Variants in PCDH15 observed in about 807,000 individuals in gnomAD.
PCDH15 encodes protocadherin related 15, also known as protocadherin-15.
A neutral mutation model predicts 178.5 loss-of-function variants in PCDH15; 129 were observed. The ratio of observed to expected loss-of-function variants is 0.72; its 90% CI spans 0.63 to 0.84. The LOEUF is 0.84. Ranked by LOEUF, PCDH15 falls within the 40% of genes least tolerant of loss-of-function variation. The pLI is 0.00. For missense variants in PCDH15, 2,230 were observed against 2,099.9 expected, an observed-to-expected ratio of 1.06 and a Z score of -1.21; for synonymous variants, 800 against 732.0, an observed-to-expected ratio of 1.09 and a Z score of -1.50.
intron 26 of PCDH15, among the ~76,000 whole-genome samples, chr10:53,869,007 T>C (rs1272426534): frequency 6.6e-6 from 1 of 152,036 alleles, no homozygotes; most frequent in Non-Finnish European, 1.5e-5. Context: ...AGGGTCTCGC[T>C]ATGTTGCCTG....
rs145365064 is a variant in PCDH15, at chr10:54,918,682, C to T, written c.-79-21182G>A. ...ATGTAGCTACACTGTTTCCTTATAT[C>T]CCAATATTACTCTTTTTTAATAAAA... On this transcript the variant is annotated intron_variant, in intron 2 of 5. Transcript: ENST00000458638. Among the ~76,000 whole-genome samples the T allele has an allele frequency of 2.4e-3, 359 of 152,128 alleles. 3 individuals are homozygous for T. Among genetic ancestry groups the T allele is most frequent in the African/African-American group, 8.0e-3 (334 of 41,516 alleles).
At chr10:54,978,361 G>A (rs1564683067) in intron 2 of PCDH15, among the ~76,000 whole-genome samples, 1 of 151,986 alleles carries the variant, frequency 6.6e-6, no homozygotes, top group South Asian at 2.1e-4. Flanking sequence ...GGTAAAAATC[G>A]TGCATGTTAT....
intron 3 of PCDH15, among the ~76,000 whole-genome samples, chr10:54,392,061 T>C (rs114717501): frequency 6.6e-6 from 1 of 152,178 alleles, no homozygotes; most frequent in African/African-American, 2.4e-5. Flanking sequence ...CTGTATAAAA[T>C]CAACTTTTAG....
Position 54,080,473 on chromosome 10 carries a change from T to C in PCDH15, c.1998-1049A>G, listed in dbSNP as rs148869262. 8.2e-3 allele frequency among the ~76,000 whole-genome samples: 1,248 copies of C among 152,282 alleles called. 14 individuals are homozygous for C. The highest frequency in any genetic ancestry group is 0.029 in the African/African-American group (1,185 of 41,576). ...CACTGTGTAGAAGAGTTTATCTGAA[T>C]ATAATAACACATTAAAATATATGTA... On this transcript the variant is annotated intron_variant, in intron 16 of 37. Transcript: ENST00000644397.
At chr10:55,181,284 T>C (rs78778409) in intron 1 of PCDH15, among the ~76,000 whole-genome samples, 2,968 of 152,160 alleles carry the variant, frequency 0.02, 108 homozygotes, top group African/African-American at 0.067. Context: ...TGAAAAATTT[T>C]TAAGTATTGG....
chr10:54,332,876 T>G (rs1316591708), intron 6 of PCDH15, among the ~76,000 whole-genome samples: 1 of 152,140 alleles, frequency 6.6e-6, no homozygotes, highest in Non-Finnish European at 1.5e-5. Flanking sequence ...CTTATCATCT[T>G]AAATCTATCC....
At chr10:54,026,816 A>G (rs1180047423) in intron 18 of PCDH15, among the ~76,000 whole-genome samples, 1 of 152,188 alleles carries the variant, frequency 6.6e-6, no homozygotes, top group Non-Finnish European at 1.5e-5. Flanking sequence ...ATCTATGACA[A>G]ACCCACAGCC....
intron 2 of PCDH15, among the ~76,000 whole-genome samples, chr10:55,436,818 T>A (rs988462080): frequency 6.6e-6 from 1 of 152,308 alleles, no homozygotes; most frequent in East Asian, 1.9e-4. Context: ...GATAGGTGGT[T>A]ATAAGTGGGA....
chr10:55,476,954 T>C (rs2132113245), intron 2 of PCDH15, among the ~76,000 whole-genome samples: 1 of 152,102 alleles, frequency 6.6e-6, no homozygotes, highest in South Asian at 2.1e-4. Context: ...CTGACCTTCA[T>C]GATGGTGTTG....
At chr10:54,921,310 T>G (rs573836969) in intron 2 of PCDH15, among the ~76,000 whole-genome samples, 133 of 149,840 alleles carry the variant, frequency 8.9e-4, no homozygotes, top group African/African-American at 3.1e-3. Context: ...TTTTATTATT[T>G]TTATTTTTAT....
rs189213753 is a variant in PCDH15 at position 53,986,277 on chromosome 10, C to T, written c.2868+9372G>A. Among the ~76,000 whole-genome samples, 1,128 of 152,228 alleles carry T rather than the reference C, an allele frequency of 7.4e-3. 11 individuals carry two copies. The highest frequency in any genetic ancestry group is 0.026 in the African/African-American group (1,063 of 41,512). ...TAAAGTCAAAACTACAATCAGATAT[C>T]GCCTCATGCTTTGTAGGATGGCTTT... On this transcript the variant is annotated intron_variant, in intron 21 of 37. Transcript: ENST00000644397.
intron 1 of PCDH15, among the ~76,000 whole-genome samples, chr10:55,307,077 A>G (rs912397293): frequency 6.6e-6 from 1 of 151,978 alleles, no homozygotes; most frequent in Admixed American, 6.6e-5. Flanking sequence ...AATAAAATAC[A>G]TCTTAAAATA....
chr10:53,983,138 G>A (rs963580514), intron 21 of PCDH15, among the ~76,000 whole-genome samples: 1 of 151,794 alleles, frequency 6.6e-6, no homozygotes, highest in African/African-American at 2.4e-5. Flanking sequence ...GACTGATTTT[G>A]TAACAGTGCA....
At chr10:53,953,361 T>C (rs2087278775) in intron 23 of PCDH15, among the ~76,000 whole-genome samples, 1 of 152,194 alleles carries the variant, frequency 6.6e-6, no homozygotes. Flanking sequence ...GTCAAGAAAT[T>C]AACAAAATGA....
chr10:54,027,294 T>C (rs893401109), intron 18 of PCDH15, among the ~76,000 whole-genome samples: 4 of 149,324 alleles, frequency 2.7e-5, no homozygotes, highest in Admixed American at 2.0e-4. Flanking sequence ...TAAAAGAGGA[T>C]AGAAACAAAT....
At chr10:55,110,301 A>G (rs1212667188) in intron 2 of PCDH15, among the ~76,000 whole-genome samples, 1 of 152,042 alleles carries the variant, frequency 6.6e-6, no homozygotes, top group African/African-American at 2.4e-5. Context: ...AAGATATTCA[A>G]TGTATATTGG....
intron 2 of PCDH15, among the ~76,000 whole-genome samples, chr10:55,544,741 T>C (rs1432075484): frequency 6.6e-6 from 1 of 152,124 alleles, no homozygotes; most frequent in Non-Finnish European, 1.5e-5. Context: ...CTGGTGTATT[T>C]TTTGTCATCA....
chr10:54,810,069 A>G (rs1258463085), intron 3 of PCDH15, among the ~76,000 whole-genome samples: 1 of 152,130 alleles, frequency 6.6e-6, no homozygotes, highest in East Asian at 1.9e-4. Flanking sequence ...AATGTTTCTC[A>G]ATGTGTGCTT....
intron 2 of PCDH15, among the ~76,000 whole-genome samples, chr10:55,063,570 C>A (rs1330497803): frequency 6.6e-6 from 1 of 152,010 alleles, no homozygotes; most frequent in Admixed American, 6.6e-5. Flanking sequence ...GAATTACTAT[C>A]TTTTTTCTGT....
Sources: allele counts gnomAD v4.1 joint callset (sites outside exome capture counted in the v4.1 genomes callset), GRCh38; gene constraint gnomAD v4.1.1; transcripts MANE v1.5; gene names NCBI Gene and HGNC (gene_info 2026-07-23, HGNC 2026-07-21).